Variants in MUSK observed in about 807,000 individuals in gnomAD.
The protein encoded by MUSK is muscle, skeletal receptor tyrosine-protein kinase.
Under a neutral mutation model 88.7 loss-of-function variants are expected in MUSK, and 55 were observed. That is an observed-to-expected ratio of 0.62 (90% CI 0.50 to 0.78). The LOEUF is 0.78. Ranked by LOEUF, MUSK falls within the 30% of genes least tolerant of loss-of-function variation. The probability of loss-of-function intolerance (pLI) is 0.00; values close to 1 mark genes in which losing one functional copy is unlikely to be tolerated. For missense variants in MUSK, 1,015 were observed against 1,074.3 expected, an observed-to-expected ratio of 0.94 and a Z score of 0.77; for synonymous variants, 387 against 391.9, an observed-to-expected ratio of 0.99 and a Z score of 0.15.
intron 8 of MUSK, 35 bp downstream of exon 8, chr9:110,762,243 G>A (rs1163416437): frequency 1.4e-6 from 2 of 1,397,616 alleles, no homozygotes; most frequent in East Asian, 2.5e-5. Flanking sequence ...TGTTTCCAAT[G>A]TTTTGTTTTG....
chr9:110,743,995 G>A (rs568721665), intron 6 of MUSK, among the ~76,000 whole-genome samples: 23 of 150,436 alleles, frequency 1.5e-4, no homozygotes, highest in African/African-American at 5.4e-4. Flanking sequence ...CCAAGATGGA[G>A]TCTTGCTCTG....
At chr9:110,739,396 C>T (rs1369596015) in intron 6 of MUSK, among the ~76,000 whole-genome samples, 1 of 152,096 alleles carries the variant, frequency 6.6e-6, no homozygotes, top group Non-Finnish European at 1.5e-5. Context: ...CCTTGGTGTC[C>T]AGAGTTTTTA....
chr9:110,775,040 C>A (rs1360750356), intron 9 of MUSK, among the ~76,000 whole-genome samples: 1 of 152,182 alleles, frequency 6.6e-6, no homozygotes, highest in Non-Finnish European at 1.5e-5. Context: ...TTTTCCTATG[C>A]AGTTTGTCCT....
chr9:110,755,983 T>TACAC (rs1554750884), intron 7 of MUSK, among the ~76,000 whole-genome samples: 32 of 127,048 alleles, frequency 2.5e-4, no homozygotes, highest in African/African-American at 8.3e-4. Flanking sequence ...TATATACATA[T>TACAC]ATATATATAT....
At chr9:110,692,768 T>G (rs534524458) in intron 3 of MUSK, among the ~76,000 whole-genome samples, 1 of 152,260 alleles carries the variant, frequency 6.6e-6, no homozygotes, top group East Asian at 1.9e-4. Context: ...TGATACAATA[T>G]TCACTTAAGC....
chr9:110,686,434 A>G (rs2076197201), intron 2 of MUSK, among the ~76,000 whole-genome samples: 1 of 152,096 alleles, frequency 6.6e-6, no homozygotes, highest in African/African-American at 2.4e-5. Context: ...TACCACACGC[A>G]TTTGGCATAA....
In MUSK at chr9:110,800,391, C is replaced by T. The variant is rs1564300316; in HGVS notation, c.2013C>T (p.Ser671=). ...GDLNEFLRSM[S]PHTVCSLSHS... is the part of the protein sequence containing the mutation. The stretch of plus-strand genomic sequence containing the variant: ...TCAATGAGTTCCTCCGCAGCATGTC[C>T]CCTCACACCGTGTGCAGCCTCAGTC... Residue 671 remains serine (S), a synonymous_variant, in exon 15 of 15, where the codon TCC becomes TCT. Coordinates refer to ENST00000374448, the MANE Select transcript of MUSK (RefSeq NM_005592.4). 6.2e-6 allele frequency: 10 copies of T among 1,613,824 alleles called. No individual in the cohort carries two copies. The highest frequency in any genetic ancestry group is 2.2e-5 in the East Asian group (1 of 44,862).
At chr9:110,688,636 G>T (rs1269183914) in intron 3 of MUSK, among the ~76,000 whole-genome samples, 3 of 151,658 alleles carry the variant, frequency 2.0e-5, no homozygotes, top group African/African-American at 7.3e-5. Flanking sequence ...CCCCCGACAG[G>T]CCCCGTGTGT....
rs548361967 is a variant in MUSK, at chr9:110,728,684, A to G, written c.629-5567A>G. On this transcript the variant is annotated intron_variant, in intron 5 of 14. Coordinates refer to ENST00000374448, the MANE Select transcript of MUSK (RefSeq NM_005592.4). ...TGTTTGTTTTGTCTTGTTTTTATTAACAGAAGAAAGTGAACCCGAACAAGA... is the reference window on the plus strand; with the variant it reads ...TGTTTGTTTTGTCTTGTTTTTATTAGCAGAAGAAAGTGAACCCGAACAAGA... The G allele has an allele frequency of 3.5e-4, 545 of 1,577,064 alleles. No homozygotes were observed. The highest frequency in any genetic ancestry group is 3.7e-4 in the Non-Finnish European group (432 of 1,162,570).
intron 5 of MUSK, among the ~76,000 whole-genome samples, chr9:110,730,207 C>T (rs2076945522): frequency 8.0e-6 from 1 of 124,916 alleles, no homozygotes; most frequent in African/African-American, 3.1e-5. Flanking sequence ...AATATATTAC[C>T]TTGGTCTATT....
intron 6 of MUSK, 63 bp downstream of exon 6, chr9:110,734,438 G>A (rs1264960703): frequency 6.2e-6 from 10 of 1,604,812 alleles, no homozygotes; most frequent in Non-Finnish European, 7.7e-6. Context: ...CTTCAGGATA[G>A]ACCATATAGT....
intron 5 of MUSK, among the ~76,000 whole-genome samples, chr9:110,707,509 A>C (rs746878236): frequency 5.9e-4 from 90 of 152,288 alleles, no homozygotes; most frequent in Non-Finnish European, 1.1e-3. Flanking sequence ...TGTACTTGAG[A>C]CCCAAATTAA....
chr9:110,776,555 T>C, intron 10 of MUSK, 77 bp from the exon 11 acceptor site: 1 of 1,176,594 alleles, frequency 8.5e-7, no homozygotes, highest in Non-Finnish European at 1.3e-6. Context: ...TTGCATTTCT[T>C]AGCACTCACT....
At chr9:110,747,838 G>T in intron 7 of MUSK, 38 bp downstream of exon 7, 1 of 1,602,226 alleles carries the variant, frequency 6.2e-7, no homozygotes, top group Non-Finnish European at 8.5e-7. Context: ...TTCCAGGAGA[G>T]GGGAGAGTTG....
rs149643186 is a variant in MUSK, at chr9:110,706,137, C to A, written c.628+8671C>A. 21 of 527,632 alleles carry A rather than the reference C, an allele frequency of 4.0e-5. No individual in the cohort carries two copies. The Admixed American group carries it at 4.1e-4, about 10-fold the overall frequency. The allele number at this position is 527,632 out of a possible 1,614,324, so 32.7% of individuals were successfully genotyped here. ...CCCTCCAGCTAAGATCGTTCCTTAG[C>A]TGTCCCCAAATATGAGAATGAATAT... On this transcript the variant is annotated intron_variant, in intron 5 of 14. Coordinates refer to ENST00000374448, the MANE Select transcript of MUSK (RefSeq NM_005592.4).
intron 1 of MUSK, among the ~76,000 whole-genome samples, chr9:110,679,611 G>A (rs1335417819): frequency 6.6e-6 from 1 of 151,384 alleles, no homozygotes; most frequent in African/African-American, 2.4e-5. Flanking sequence ...CTTTTTCTTG[G>A]CTTATTTATT....
In MUSK at chr9:110,697,327, A is replaced by C. The variant is rs1414456540; in HGVS notation, c.489A>C (p.Glu163Asp). Residue 163 changes from glutamate (E) to aspartate (D), a missense_variant and splice_region_variant, in exon 5 of 15, where the codon GAA becomes GAC. Transcript: ENST00000374448. The part of the protein sequence containing the change: ...SWIKGDSPLR[E>D]NSRIAVLESG... ...ATTCACGTCCCTATCTCTGGCAGGA[A>C]AATTCCCGAATTGCAGTTCTTGAAT... The C allele has an allele frequency of 6.2e-7, 1 of 1,612,580 alleles. No homozygotes were observed. The highest frequency in any genetic ancestry group is 8.5e-7 in the Non-Finnish European group (1 of 1,179,138).
intron 9 of MUSK, among the ~76,000 whole-genome samples, chr9:110,770,988 TC>T (rs2077564435): frequency 6.6e-6 from 1 of 152,004 alleles, no homozygotes; most frequent in Non-Finnish European, 1.5e-5. Flanking sequence ...AAAAATGTAT[TC>T]TTTTTTTTGA....
chr9:110,699,081 C>G (rs2076469476), intron 5 of MUSK, among the ~76,000 whole-genome samples: 1 of 152,096 alleles, frequency 6.6e-6, no homozygotes. Context: ...ACTTGCTTTA[C>G]CTTTGACCTA....
Sources: allele counts gnomAD v4.1 joint callset (sites outside exome capture counted in the v4.1 genomes callset), GRCh38; gene constraint gnomAD v4.1.1; transcripts MANE v1.5; gene names NCBI Gene and HGNC (gene_info 2026-07-23, HGNC 2026-07-21).